Variants in OR1B1 observed in about 807,000 individuals in gnomAD.
OR1B1 encodes the protein olfactory receptor 1B1.
For synonymous variants in OR1B1, 168 were observed against 156.2 expected (o/e 1.08, Z -0.57); for missense variants, 414 against 402.1 (o/e 1.03, Z -0.25).
chr9:122,631,312 G>T (rs1454479786), upstream of OR1B1, among the ~76,000 whole-genome samples: 1 of 151,982 alleles, frequency 6.6e-6, no homozygotes, highest in Non-Finnish European at 1.5e-5. Flanking sequence ...GAGTAGCTGG[G>T]ACCACAGGCG....
At chr9:122,656,976 AG>A in the OR1B1 span, among the ~76,000 whole-genome samples, 15 of 152,178 alleles carry the variant, frequency 9.9e-5, no homozygotes, top group Non-Finnish European at 1.9e-4. Context: ...TTTCTTTAAA[AG>A]TTATCAATAT....
At chr9:122,648,258 G>A in the OR1B1 span, among the ~76,000 whole-genome samples, 4 of 152,030 alleles carry the variant, frequency 2.6e-5, no homozygotes, top group African/African-American at 7.2e-5. Flanking sequence ...TTCAACATAC[G>A]CAAATCAATA....
exon 1 of OR1B1, chr9:122,628,738 G>C (rs751341542): frequency 1.9e-6 from 3 of 1,614,118 alleles, no homozygotes; most frequent in Non-Finnish European, 2.5e-6. Context: ...AGGGAGGCTG[G>C]AAGTAGACAC....
the OR1B1 span, among the ~76,000 whole-genome samples, chr9:122,653,665 TGA>T: frequency 6.6e-6 from 1 of 152,204 alleles, no homozygotes; most frequent in South Asian, 2.1e-4. Flanking sequence ...TCCCCCTGGC[TGA>T]AATTGAGGTT....
chr9:122,640,767 A>G, the OR1B1 span, among the ~76,000 whole-genome samples: 1 of 152,312 alleles, frequency 6.6e-6, no homozygotes, highest in African/African-American at 2.4e-5. Context: ...GAATTTGCCT[A>G]TGGTTCCCAG....
chr9:122,637,050 A>G, the OR1B1 span: 4 of 152,254 alleles, frequency 2.6e-5, no homozygotes, highest in African/African-American at 9.6e-5. Flanking sequence ...CCAACACATT[A>G]GAATATAAAA....
At chr9:122,648,228 T>C in the OR1B1 span, among the ~76,000 whole-genome samples, 1 of 152,186 alleles carries the variant, frequency 6.6e-6, no homozygotes, top group Non-Finnish European at 1.5e-5. Context: ...GTCGGCTTCA[T>C]CCCTGGGATG....
the OR1B1 span, among the ~76,000 whole-genome samples, chr9:122,637,600 A>C: frequency 8.5e-3 from 1,295 of 152,280 alleles, 21 homozygotes; most frequent in African/African-American, 0.03. Flanking sequence ...TCTCTTTCTC[A>C]ATGCACTGGC....
the OR1B1 span, among the ~76,000 whole-genome samples, chr9:122,640,398 A>T: frequency 2.0e-5 from 3 of 152,174 alleles, no homozygotes; most frequent in African/African-American, 4.8e-5. Flanking sequence ...ATTATTCTAC[A>T]GTTCTTGTTG....
chr9:122,643,623 G>C, the OR1B1 span, among the ~76,000 whole-genome samples: 2 of 152,234 alleles, frequency 1.3e-5, no homozygotes, highest in Non-Finnish European at 2.9e-5. Flanking sequence ...GACCCAGGGA[G>C]ACATTAGCTG....
chr9:122,646,282 AAGAAAG>A, the OR1B1 span, among the ~76,000 whole-genome samples: 1 of 152,144 alleles, frequency 6.6e-6, no homozygotes, highest in South Asian at 2.1e-4. Flanking sequence ...GAAGGAAAAA[AAGAAAG>A]AGAAGACCAC....
the OR1B1 span, among the ~76,000 whole-genome samples, chr9:122,654,447 C>T: frequency 6.6e-6 from 1 of 152,206 alleles, no homozygotes; most frequent in Non-Finnish European, 1.5e-5. Context: ...CTTCTTTCTG[C>T]TCTAACCAGA....
upstream of OR1B1, among the ~76,000 whole-genome samples, chr9:122,633,411 C>T (rs1041237856): frequency 6.6e-6 from 1 of 152,056 alleles, no homozygotes; most frequent in African/African-American, 2.4e-5. Flanking sequence ...CTGGATATTA[C>T]ACCAAATGCT....
chr9:122,656,943 A>G, the OR1B1 span, among the ~76,000 whole-genome samples: 4 of 152,176 alleles, frequency 2.6e-5, no homozygotes, highest in Non-Finnish European at 5.9e-5. Flanking sequence ...AGTTTAAATC[A>G]ACTGAGGGGT....
At chr9:122,635,710 A>G in the OR1B1 span, among the ~76,000 whole-genome samples, 2 of 152,198 alleles carry the variant, frequency 1.3e-5, no homozygotes, top group Non-Finnish European at 2.9e-5. Context: ...TATTGAAGAG[A>G]CACAAACTAA....
upstream of OR1B1, among the ~76,000 whole-genome samples, chr9:122,630,434 T>G (rs1031654097): frequency 5.7e-4 from 87 of 152,226 alleles, no homozygotes; most frequent in African/African-American, 2.0e-3. Flanking sequence ...ATCCATTCTT[T>G]GCTGTTAGTC....
At chr9:122,649,838 T>A in the OR1B1 span, among the ~76,000 whole-genome samples, 1 of 152,224 alleles carries the variant, frequency 6.6e-6, no homozygotes, top group African/African-American at 2.4e-5. Context: ...GAAGACAGTG[T>A]GGCAATTCCT....
chr9:122,641,935 T>C, the OR1B1 span, among the ~76,000 whole-genome samples: 5 of 152,096 alleles, frequency 3.3e-5, no homozygotes, highest in East Asian at 1.9e-4. Context: ...AGGAGCATAA[T>C]TGGGGATTAG....
the OR1B1 span, among the ~76,000 whole-genome samples, chr9:122,647,556 A>G: frequency 2.0e-5 from 3 of 152,376 alleles, no homozygotes; most frequent in East Asian, 3.8e-4. Context: ...TAAAGATAAG[A>G]GCAGAAATAA....
Sources: gnomAD v4.1 joint callset for allele counts (sites outside exome capture counted in the v4.1 genomes callset) on GRCh38, gnomAD v4.1.1 for gene constraint, MANE v1.5 for transcripts, NCBI Gene and HGNC (gene_info 2026-07-23, HGNC 2026-07-21) for gene names.